Variants in CPN1 observed in about 807,000 individuals in gnomAD.
The protein encoded by CPN1 is carboxypeptidase N catalytic chain.
A neutral mutation model predicts 46.4 loss-of-function variants in CPN1; 37 were observed. The ratio of observed to expected loss-of-function variants is 0.80; its 90% CI spans 0.61 to 1.05. CPN1 has a LOEUF of 1.05. Among genes scored for constraint, CPN1 ranks in the 50% least tolerant of loss-of-function variants. The pLI, the probability that CPN1 is intolerant of heterozygous loss-of-function variation, is 0.00. For synonymous variants in CPN1, 224 were observed against 235.4 expected, an observed-to-expected ratio of 0.95 and a Z score of 0.44; for missense variants, 563 against 602.6, an observed-to-expected ratio of 0.93 and a Z score of 0.69.
intron 1 of CPN1, among the ~76,000 whole-genome samples, chr10:100,078,053 T>C (rs1432657036): frequency 6.6e-6 from 1 of 152,202 alleles, no homozygotes; most frequent in Non-Finnish European, 1.5e-5. Context: ...CTTTTTCTTT[T>C]TTTTAATTTA....
chr10:100,053,977 G>T (rs1287061281), intron 7 of CPN1, among the ~76,000 whole-genome samples: 1 of 152,102 alleles, frequency 6.6e-6, no homozygotes, highest in Non-Finnish European at 1.5e-5. Context: ...CTTTCTACCC[G>T]ATTTCACACC....
At chr10:100,067,641 C>T (rs1199485061) in intron 3 of CPN1, among the ~76,000 whole-genome samples, 1 of 152,220 alleles carries the variant, frequency 6.6e-6, no homozygotes, top group African/African-American at 2.4e-5. Flanking sequence ...CTATCCCACA[C>T]AGCGTGATCA....
chr10:100,054,506 T>TA lies in CPN1; in HGVS notation c.1012-61dup, dbSNP rs1464908178. The TA allele has an allele frequency of 2.2e-6, 3 of 1,392,632 alleles. No individual in the cohort carries two copies. In the African/African-American group the frequency reaches 4.2e-5, roughly 20 times the overall value. The allele number at this position is 1,392,632 out of a possible 1,614,324, so 86.3% of individuals were successfully genotyped here. Reference sequence around the variant, plus strand: ...CATTTGTACCATTTGTACAGTGTTTTAGAGTCTCAAAGCCCTTTCTCTTAT... The same window carrying TA: ...CATTTGTACCATTTGTACAGTGTTTTAAGAGTCTCAAAGCCCTTTCTCTTAT... On this transcript the variant is annotated intron_variant, in intron 6 of 8. Coordinates refer to ENST00000370418, the MANE Select transcript of CPN1 (RefSeq NM_001308.3).
At chr10:100,061,122 T>C (rs530104150) in intron 5 of CPN1, among the ~76,000 whole-genome samples, 2 of 152,116 alleles carry the variant, frequency 1.3e-5, no homozygotes, top group South Asian at 2.1e-4. Flanking sequence ...GGATGGTTAA[T>C]AGATACAAAA....
At position 100,047,513 on chromosome 10, in the gene CPN1, A is replaced by C. The variant is rs140420130; in HGVS notation, c.1230+1245T>G. 4.6e-3 allele frequency among the ~76,000 whole-genome samples: 706 copies of C among 152,338 alleles called. 8 individuals are homozygous for C. Among genetic ancestry groups the C allele is most frequent in the Middle Eastern group, 0.024 (7 of 294 alleles). On this transcript the variant is annotated intron_variant, in intron 8 of 8. Transcript: ENST00000370418. The stretch of plus-strand genomic sequence containing the variant: ...AAGATAGGCCTTGCTAGATTTCTTC[A>C]CTCAGTGCATAGCATTAGCTGATAC...
At chr10:100,065,089 T>C in intron 4 of CPN1, 99 bp downstream of exon 4, 1 of 1,398,240 alleles carries the variant, frequency 7.2e-7, no homozygotes, top group Non-Finnish European at 9.7e-7. Context: ...TCAATTATTT[T>C]CTGTGGCCTC....
intron 8 of CPN1, among the ~76,000 whole-genome samples, chr10:100,044,769 G>A (rs1282188819): frequency 6.6e-6 from 1 of 151,448 alleles, no homozygotes; most frequent in Non-Finnish European, 1.5e-5. Context: ...GGAGTGCAGC[G>A]GCACAATCTC....
intron 7 of CPN1, 80 bp from the exon 8 acceptor site, chr10:100,048,956 G>T: frequency 8.4e-7 from 1 of 1,186,944 alleles, no homozygotes; most frequent in Non-Finnish European, 1.2e-6. Context: ...CTGACTACAA[G>T]GTTGGCTTTT....
chr10:100,078,162 C>T (rs1440136093), intron 1 of CPN1, among the ~76,000 whole-genome samples: 1 of 152,186 alleles, frequency 6.6e-6, no homozygotes, highest in African/African-American at 2.4e-5. Context: ...ATCCTCCCGC[C>T]TCAGCCTCCT....
Position 100,081,400 on chromosome 10 carries a change from T to TA in CPN1, c.223+2dup. On this transcript the variant is annotated splice_region_variant and intron_variant, in intron 1 of 8. Transcript: ENST00000370418. ...ACACCCTCAAGAGCTGTTCAGAACTTACAGGGCTCGTGGATTCCAGGGTGG... is the reference window on the plus strand; with the variant it reads ...ACACCCTCAAGAGCTGTTCAGAACTTAACAGGGCTCGTGGATTCCAGGGTGG... The TA allele has an allele frequency of 1.2e-6, 2 of 1,611,608 alleles. No individual in the cohort carries two copies. Among genetic ancestry groups the TA allele is most frequent in the South Asian group, 2.2e-5 (2 of 90,862 alleles).
At position 100,067,567 on chromosome 10, in the gene CPN1, C is replaced by T. The variant is rs143371230; in HGVS notation, c.576+2147G>A. 9.2e-5 allele frequency among the ~76,000 whole-genome samples: 14 copies of T among 152,348 alleles called. No individual in the cohort carries two copies. The East Asian group carries it at 2.3e-3, about 25-fold the overall frequency. On this transcript the variant is annotated intron_variant, in intron 3 of 8. Transcript: ENST00000370418. ...GGGAAACTCCCAATTAAAAGGCTTACACCTGCTTTGCTTTTCTTTCCCCAG... is the reference window on the plus strand; with the variant it reads ...GGGAAACTCCCAATTAAAAGGCTTATACCTGCTTTGCTTTTCTTTCCCCAG...
chr10:100,057,091 G>A lies in CPN1; in HGVS notation c.933C>T (p.Cys311=), dbSNP rs977753977. 31 of 1,613,980 alleles carry A rather than the reference G, an allele frequency of 1.9e-5. No homozygotes were observed. Among genetic ancestry groups the A allele is most frequent in the South Asian group, 1.2e-4 (11 of 91,084 alleles). Residue 311 remains cysteine, a synonymous_variant, in exon 6 of 9, where the codon TGC becomes TGT. Coordinates refer to ENST00000370418, the MANE Select transcript of CPN1 (RefSeq NM_001308.3). ...ACTCCTCTTCGGGGGGAAACTTGTCGCAACTCAGTTCCAGCGTGATCTCAA... is the reference window on the plus strand; with the variant it reads ...ACTCCTCTTCGGGGGGAAACTTGTCACAACTCAGTTCCAGCGTGATCTCAA... The part of the protein sequence containing the change: ...NCFEITLELS[C]DKFPPEEELQ...
At chr10:100,071,398 A>G (rs1367245371) in intron 2 of CPN1, among the ~76,000 whole-genome samples, 1 of 152,154 alleles carries the variant, frequency 6.6e-6, no homozygotes, top group East Asian at 1.9e-4. Context: ...GGCCAGAGGA[A>G]GTCCTTGGCA....
In CPN1 at chr10:100,065,205, C is replaced by T. The variant is rs771259186; in HGVS notation, c.742G>A (p.Asp248Asn). The change falls in exon 4 of 9, where the codon GAC (aspartate) becomes AAC (asparagine). Residue 248 changes from aspartate (D) to asparagine (N), a missense_variant. Coordinates refer to ENST00000370418, the MANE Select transcript of CPN1 (RefSeq NM_001308.3). ...RRTASTPTPD[D>N]KLFQKLAKVY... ...CCACATACCTTCTGGAAGAGCTTGT[C>T]GTCAGGCGTGGGGGTGCTGGCGGTG... The T allele has an allele frequency of 6.8e-6, 11 of 1,613,344 alleles. No individual in the cohort carries two copies. Among genetic ancestry groups the T allele is most frequent in the East Asian group, 2.2e-5 (1 of 44,874 alleles).
intron 8 of CPN1, among the ~76,000 whole-genome samples, chr10:100,045,541 C>T (rs1369453979): frequency 6.6e-6 from 1 of 152,168 alleles, no homozygotes; most frequent in Non-Finnish European, 1.5e-5. Flanking sequence ...TCTCCTGATC[C>T]TTGTGTTACA....
chr10:100,046,065 G>T (rs2041309199), intron 8 of CPN1, among the ~76,000 whole-genome samples: 1 of 152,196 alleles, frequency 6.6e-6, no homozygotes, highest in Non-Finnish European at 1.5e-5. Flanking sequence ...AAAGATCCAG[G>T]CTGTAAAATC....
At chr10:100,075,766 G>GA (rs1392022396) in intron 2 of CPN1, 145 bp downstream of exon 2, 4 of 902,170 alleles carry the variant, frequency 4.4e-6, no homozygotes, top group Non-Finnish European at 6.9e-6. Context: ...TTATATTTCT[G>GA]ATGGATTTTT....
At chr10:100,075,110 C>T (rs2041506478) in intron 2 of CPN1, among the ~76,000 whole-genome samples, 1 of 152,000 alleles carries the variant, frequency 6.6e-6, no homozygotes, top group African/African-American at 2.4e-5. Context: ...GCCAACCTGG[C>T]GAAATCCCGT....
intron 6 of CPN1, 46 bp from the exon 7 acceptor site, chr10:100,054,492 T>C (rs771833472): frequency 1.1e-5 from 17 of 1,485,572 alleles, no homozygotes; most frequent in Non-Finnish European, 2.8e-6. Flanking sequence ...ATTTGTACCA[T>C]TTGTACAGTG....
Sources: gnomAD v4.1 joint callset for allele counts (sites outside exome capture counted in the v4.1 genomes callset) on GRCh38, gnomAD v4.1.1 for gene constraint, MANE v1.5 for transcripts, NCBI Gene and HGNC (gene_info 2026-07-23, HGNC 2026-07-21) for gene names.